Variants in GLDC observed in about 807,000 individuals in gnomAD.
The protein encoded by GLDC is glycine dehydrogenase (decarboxylating), mitochondrial.
GLDC carries 104 observed loss-of-function variants against 121.3 expected under a neutral mutation model. The ratio of observed to expected loss-of-function variants is 0.86; its 90% CI spans 0.73 to 1.01. The LOEUF (loss-of-function observed/expected upper bound fraction) is 1.01, where lower values mean the gene tolerates loss of function less well. Among genes scored for constraint, GLDC ranks in the 50% least tolerant of loss-of-function variants. GLDC has a pLI of 0.00. For synonymous variants in GLDC, 546 were observed against 480.6 expected, an observed-to-expected ratio of 1.14 and a Z score of -1.78; for missense variants, 1,429 against 1,306.6, an observed-to-expected ratio of 1.09 and a Z score of -1.44.
At chr9:6,621,249 A>C (rs73402980) in intron 2 of GLDC, among the ~76,000 whole-genome samples, 2,243 of 152,292 alleles carry the variant, frequency 0.015, 63 homozygotes, top group African/African-American at 0.051. Context: ...GGTTATTAAG[A>C]AGTATAAATG....
chr9:6,599,272 A>G (rs1426532360), intron 8 of GLDC, among the ~76,000 whole-genome samples: 6 of 152,170 alleles, frequency 3.9e-5, no homozygotes, highest in African/African-American at 1.4e-4. Flanking sequence ...AGAGGCAGAA[A>G]ACTGAGGCCC....
At chr9:6,544,783 G>A (rs961100368) in intron 21 of GLDC, among the ~76,000 whole-genome samples, 1 of 152,140 alleles carries the variant, frequency 6.6e-6, no homozygotes, top group Non-Finnish European at 1.5e-5. Context: ...AGACAGCTGT[G>A]GATTTTTGCA....
At chr9:6,587,684 C>T (rs974887108) in intron 14 of GLDC, among the ~76,000 whole-genome samples, 1 of 152,116 alleles carries the variant, frequency 6.6e-6, no homozygotes, top group Non-Finnish European at 1.5e-5. Context: ...AATGGGAAGG[C>T]CAGGTACAGT....
chr9:6,630,443 GC>G (rs1360770961), intron 2 of GLDC, among the ~76,000 whole-genome samples: 5 of 151,968 alleles, frequency 3.3e-5, no homozygotes, highest in Non-Finnish European at 7.4e-5. Context: ...GCCACTAACC[GC>G]GTCAGAGCCT....
intron 23 of GLDC, 82 bp downstream of exon 23, chr9:6,535,982 G>T: frequency 1.8e-6 from 2 of 1,142,494 alleles, no homozygotes; most frequent in South Asian, 1.2e-5. Flanking sequence ...TCAGTTGAGA[G>T]TTCGGGAGTT....
At chr9:6,643,389 C>A (rs1159412521) in intron 2 of GLDC, among the ~76,000 whole-genome samples, 2 of 150,734 alleles carry the variant, frequency 1.3e-5, no homozygotes, top group Non-Finnish European at 2.9e-5. Flanking sequence ...CAAATGTCCA[C>A]CTTCAAACAA....
In GLDC at chr9:6,602,198, T is replaced by G. The variant is rs531320127; in HGVS notation, c.1066A>C (p.Thr356Pro). 1 of 1,605,744 alleles carries G rather than the reference T, an allele frequency of 6.2e-7. No individual in the cohort carries two copies. The highest frequency in any genetic ancestry group is 1.3e-5 in the African/African-American group (1 of 74,870). ...GCAAGACGATACACTTCTTTCCCAG[T>G]GGCATCTCTACACCAAGAATAAGGC... ...GRMVGVTRDA[T>P]GKEVYRLALQ... Residue 356 changes from threonine to proline, a missense_variant, in exon 8 of 25, where the codon ACT becomes CCT. Coordinates refer to ENST00000321612, the MANE Select transcript of GLDC (RefSeq NM_000170.3).
At chr9:6,579,219 A>G (rs888389230) in intron 15 of GLDC, among the ~76,000 whole-genome samples, 1 of 152,044 alleles carries the variant, frequency 6.6e-6, no homozygotes, top group Non-Finnish European at 1.5e-5. Context: ...GTATTTATTA[A>G]TCCTTGTGAC....
intron 2 of GLDC, among the ~76,000 whole-genome samples, chr9:6,633,255 A>T (rs1819428906): frequency 6.6e-6 from 1 of 152,088 alleles, no homozygotes; most frequent in African/African-American, 2.4e-5. Flanking sequence ...ACTTCATCTC[A>T]GACTGCCCTG....
chr9:6,605,461 T>A (rs747365723), intron 5 of GLDC, 183 bp from the exon 6 acceptor site: 15 of 657,422 alleles, frequency 2.3e-5, no homozygotes, highest in Non-Finnish European at 3.6e-5. Flanking sequence ...CTCAAGCGCA[T>A]CCAACAGCTC....
chr9:6,556,360 C>A, intron 17 of GLDC, 58 bp from the exon 18 acceptor site: 2 of 1,375,894 alleles, frequency 1.5e-6, no homozygotes, highest in Non-Finnish European at 1.0e-6. Context: ...CTTTCTTGGC[C>A]AAATCCTCGC....
At position 6,594,381 on chromosome 9, in the gene GLDC, G is replaced by C. The variant is rs192847466; in HGVS notation, c.1261+633C>G. On this transcript the variant is annotated intron_variant, in intron 9 of 24. Coordinates refer to ENST00000321612, the MANE Select transcript of GLDC (RefSeq NM_000170.3). ...TTAAAAATATCACAGCTTGCCAGGA[G>C]TAAAAGAGAAAAAAATATTAACACT... Among the ~76,000 whole-genome samples the C allele has an allele frequency of 5.9e-5, 9 of 152,088 alleles. No homozygotes were observed. The East Asian group carries it at 1.5e-3, about 26-fold the overall frequency.
chr9:6,543,201 G>A (rs906703628), intron 21 of GLDC, among the ~76,000 whole-genome samples: 3 of 152,142 alleles, frequency 2.0e-5, no homozygotes, highest in Non-Finnish European at 4.4e-5. Flanking sequence ...CTTGATCCCA[G>A]GAGGTTGAGG....
At chr9:6,555,499 T>A (rs1262489321) in intron 18 of GLDC, among the ~76,000 whole-genome samples, 3 of 150,708 alleles carry the variant, frequency 2.0e-5, no homozygotes, top group Non-Finnish European at 4.4e-5. Context: ...TCGGGCGTGG[T>A]GGATCACACC....
At chr9:6,557,364 G>A (rs1817655435) in intron 17 of GLDC, among the ~76,000 whole-genome samples, 1 of 152,182 alleles carries the variant, frequency 6.6e-6, no homozygotes, top group African/African-American at 2.4e-5. Context: ...GGGAGGCTGA[G>A]GCGGGCGGAT....
chr9:6,588,305 A>G (rs1218759929), intron 14 of GLDC, 96 bp downstream of exon 14: 5 of 857,602 alleles, frequency 5.8e-6, no homozygotes, highest in Admixed American at 3.4e-5. Context: ...CAATCACAGA[A>G]TCACAGTCCC....
In GLDC at chr9:6,595,052, G is replaced by A. The variant is rs747206264; in HGVS notation, c.1223C>T (p.Ala408Val). 6 of 1,612,048 alleles carry A rather than the reference G, an allele frequency of 3.7e-6. No homozygotes were observed. The highest frequency in any genetic ancestry group is 5.1e-6 in the Non-Finnish European group (6 of 1,178,140). ...CAAAGTGGCATTATGTACCCTCCTA[G>A]CAATATGCTCCAGCCCATGGGAACC... ...YHGSHGLEHI[A>V]RRVHNATLIL... is the part of the protein sequence containing the mutation. The change falls in exon 9 of 25, where the codon GCT (alanine) becomes GTT (valine). Residue 408 changes from alanine to valine, a missense_variant. Transcript: ENST00000321612.
intron 20 of GLDC, among the ~76,000 whole-genome samples, chr9:6,552,084 G>A (rs1241321759): frequency 6.6e-6 from 1 of 152,162 alleles, no homozygotes; most frequent in Non-Finnish European, 1.5e-5. Flanking sequence ...ATACGTGGGG[G>A]CCTAGGGTGA....
chr9:6,586,843 A>G (rs1232722508), intron 15 of GLDC, among the ~76,000 whole-genome samples: 1 of 152,066 alleles, frequency 6.6e-6, no homozygotes, highest in Admixed American at 6.6e-5. Flanking sequence ...CGCATTCTGA[A>G]CCCCGACATT....
Sources: gnomAD v4.1 joint callset for allele counts (sites outside exome capture counted in the v4.1 genomes callset) on GRCh38, gnomAD v4.1.1 for gene constraint, MANE v1.5 for transcripts, NCBI Gene and HGNC (gene_info 2026-07-23, HGNC 2026-07-21) for gene names.